Variants in MCF2L observed in about 807,000 individuals in gnomAD.
MCF2L encodes the protein MCF.2 cell line derived transforming sequence like, also known as guanine nucleotide exchange factor DBS.
In MCF2L, 97 loss-of-function variants were observed where a neutral mutation model predicts 153.4. The ratio of observed to expected loss-of-function variants is 0.63; its 90% confidence interval spans 0.54 to 0.75. MCF2L has a LOEUF of 0.75. MCF2L is among the 30% of genes least tolerant of loss of function. MCF2L has a pLI of 0.00. For missense variants in MCF2L, 1,347 were observed against 1,495.2 expected, an observed-to-expected ratio of 0.90 and a Z score of 1.64; for synonymous variants, 659 against 632.2, an observed-to-expected ratio of 1.04 and a Z score of -0.64.
chr13:112,904,967 G>A lies in MCF2L; in HGVS notation c.169+2596G>A, dbSNP rs1221487952. Among the ~76,000 whole-genome samples, 3 of 152,218 alleles carry A rather than the reference G, an allele frequency of 2.0e-5. No individual in the cohort carries two copies. Among genetic ancestry groups the A allele is most frequent in the African/African-American group, 2.4e-5 (1 of 41,448 alleles). On this transcript the variant is annotated intron_variant, in intron 2 of 29. Transcript: ENST00000375608. This position sits in a 1 kb window ranked among gnomAD's most constrained non-coding sequence, Gnocchi z 4.2. ...TGTACCATTTTAACTACTGTCAAGT[G>A]TAGAGTTCCCTGGTATGAAATATAC...
chr13:113,062,074 G>A (rs2031598900), intron 5 of MCF2L, among the ~76,000 whole-genome samples: 1 of 150,632 alleles, frequency 6.6e-6, no homozygotes, highest in Non-Finnish European at 1.5e-5. Flanking sequence ...TGCTTTGGTG[G>A]CCCCAGAACC....
Position 113,074,449 on chromosome 13 carries a change from A to C in MCF2L, c.1002A>C (p.Lys334Asn). The change falls in exon 10 of 30, where the codon AAA becomes AAC. Residue 334 changes from lysine (K) to asparagine (N), a missense_variant. By Grantham distance (94) the Lys-to-Asn change is moderately conservative. Coordinates refer to ENST00000535094, the MANE Select transcript of MCF2L (RefSeq NM_001112732.3). This position sits in a 1 kb window ranked among gnomAD's most constrained non-coding sequence, Gnocchi z 4.2. Reference sequence around the variant, plus strand: ...TGGGCCCTCCTCTGTTCCAGGTCAAAGCCATCTTGGACGCAGCGTCCCAGA... The same window carrying C: ...TGGGCCCTCCTCTGTTCCAGGTCAACGCCATCTTGGACGCAGCGTCCCAGA... The part of the protein sequence containing the change: ...RHFEQGFREV[K>N]AILDAASQKI... The C allele has an allele frequency of 6.2e-7, 1 of 1,613,390 alleles. No homozygotes were observed. The highest frequency in any genetic ancestry group is 8.5e-7 in the Non-Finnish European group (1 of 1,179,456).
chr13:113,090,783 T>G (rs1407641765), intron 26 of MCF2L: 8 of 985,348 alleles, frequency 8.1e-6, no homozygotes, highest in Non-Finnish European at 9.6e-6. Flanking sequence ...AAAATGCTTT[T>G]AAGTTGGCCT....
At chr13:113,022,306 T>C (rs1000594144) in intron 2 of MCF2L, among the ~76,000 whole-genome samples, 1 of 151,692 alleles carries the variant, frequency 6.6e-6, no homozygotes, top group Admixed American at 6.6e-5. Context: ...CATGAGGGGA[T>C]CTTGTTGCAT....
intron 8 of MCF2L, 106 bp from the exon 9 acceptor site, chr13:113,069,953 G>C (rs553510227): frequency 1.6e-5 from 11 of 686,030 alleles, no homozygotes; most frequent in Middle Eastern, 2.7e-4. Flanking sequence ...ATCTCAGGAA[G>C]GCCCGGGGTG....
chr13:113,091,330 G>A (rs747155339), intron 26 of MCF2L: 48 of 684,636 alleles, frequency 7.0e-5, no homozygotes, highest in Non-Finnish European at 8.9e-5. Context: ...GCAGACACGC[G>A]GTTGTGTTCA....
At position 113,025,046 on chromosome 13, in the gene MCF2L, G is replaced by A. The variant is rs1475003125; in HGVS notation, c.278+288G>A. 27 of 202,908 alleles carry A rather than the reference G, an allele frequency of 1.3e-4. 3 individuals are homozygous for A. The highest frequency in any genetic ancestry group is 8.7e-4 in the African/African-American group (26 of 30,024). 12.6% of individuals were successfully genotyped at this position (202,908 alleles called of 1,614,324 possible). ...CTCTGTGAGGTTTCATCATGGTGGG[G>A]TCCCCGTGACTGTGGGTCGGGGCAG... On this transcript the variant is annotated intron_variant, in intron 3 of 29. Transcript: ENST00000535094.
rs139539976 is a variant in MCF2L at position 112,903,586 on chromosome 13, G to A, written c.169+1215G>A. ...TGTGTAGACTCTTGCACTTGGAAAC[G>A]CAGGCTGTTGGTTTAGAGCTGGCTG... On this transcript the variant is annotated intron_variant, in intron 2 of 29. Coordinates refer to the MCF2L transcript ENST00000375608. 1.7e-4 allele frequency among the ~76,000 whole-genome samples: 26 copies of A among 152,208 alleles called. No individual in the cohort carries two copies. In the East Asian group the frequency reaches 4.1e-3, roughly 24 times the overall value.
At chr13:112,912,195 G>A (rs904958138) in intron 2 of MCF2L, among the ~76,000 whole-genome samples, 5 of 152,176 alleles carry the variant, frequency 3.3e-5, no homozygotes, top group Admixed American at 2.0e-4. Context: ...GCTCCAGGAG[G>A]ACACCTTTCT....
Position 113,088,354 on chromosome 13 carries a change from TG to T in MCF2L, c.2719del (p.Val907Ter). On this transcript the variant is annotated frameshift_variant, in exon 24 of 30. Transcript: ENST00000535094. LOFTEE classifies it high-confidence loss of function. Reference sequence around the variant, plus strand: ...GCCAACTCCTGAGATTAAAGCCGCGTGGGTGAATGAAATTCGGAAAGTGCTG... The same window carrying T: ...GCCAACTCCTGAGATTAAAGCCGCGTGGTGAATGAAATTCGGAAAGTGCTG... ...QAPTPEIKAA[W>X]VNEIRKVLTS... 3.7e-6 allele frequency: 6 copies of T among 1,613,252 alleles called. No homozygotes were observed. The highest frequency in any genetic ancestry group is 5.1e-6 in the Non-Finnish European group (6 of 1,179,618).
chr13:112,969,317 C>T lies in MCF2L; in HGVS notation c.-63C>T. 4.5e-6 allele frequency: 7 copies of T among 1,544,584 alleles called. No homozygotes were observed. Among genetic ancestry groups the T allele is most frequent in the Non-Finnish European group, 6.1e-6 (7 of 1,143,198 alleles). On this transcript the variant is annotated 5_prime_UTR_variant, in exon 1 of 30. Transcript: ENST00000535094. This position sits in a 1 kb window ranked among gnomAD's most constrained non-coding sequence, Gnocchi z 4.8. ...CCCCCTCCGCACTCGCACGGCCCCA[C>T]CCGCAGGCGCCCCCCGTGCGGAGGA...
chr13:113,037,397 C>T (rs183491331), intron 3 of MCF2L, among the ~76,000 whole-genome samples: 1 of 152,276 alleles, frequency 6.6e-6, no homozygotes, highest in East Asian at 1.9e-4. Flanking sequence ...TTGTAGGGAC[C>T]TTGGAGAGTT....
intron 2 of MCF2L, among the ~76,000 whole-genome samples, chr13:113,017,768 G>T (rs2084626316): frequency 6.6e-6 from 1 of 152,204 alleles, no homozygotes; most frequent in South Asian, 2.1e-4. Flanking sequence ...GTCCAGCTGG[G>T]TGAGGCCCCT....
intron 1 of MCF2L, among the ~76,000 whole-genome samples, chr13:112,984,242 T>C (rs2140925634): frequency 6.8e-6 from 1 of 147,578 alleles, no homozygotes; most frequent in Admixed American, 6.7e-5. Flanking sequence ...AAATTCTCCT[T>C]TTTTTTTTTT....
chr13:112,916,487 TCG>T (rs1194756018), intron 2 of MCF2L, among the ~76,000 whole-genome samples: 1 of 152,168 alleles, frequency 6.6e-6, no homozygotes, highest in Non-Finnish European at 1.5e-5. Flanking sequence ...GTCCGCGCTC[TCG>T]CGTGCCTCAC....
At chr13:113,017,447 A>T (rs564517180) in intron 2 of MCF2L, among the ~76,000 whole-genome samples, 15 of 152,178 alleles carry the variant, frequency 9.9e-5, no homozygotes, top group Non-Finnish European at 1.8e-4. Context: ...CCGTCACGAG[A>T]TTTAGGGCCC....
intron 2 of MCF2L, among the ~76,000 whole-genome samples, chr13:112,933,682 T>C (rs1340399446): frequency 6.6e-6 from 1 of 152,272 alleles, no homozygotes. Flanking sequence ...TTCATCCTCA[T>C]GACAACCCTG....
chr13:113,074,295 G>C lies in MCF2L; in HGVS notation c.997-149G>C. On this transcript the variant is annotated intron_variant, in intron 9 of 29. Coordinates refer to ENST00000535094, the MANE Select transcript of MCF2L (RefSeq NM_001112732.3). The surrounding 1 kb of genome is among the most constrained non-coding windows in gnomAD (Gnocchi z 4.2). ...TTGGTGACCACTCGGGGCCGACTTTGCACCTGTCTGACTGTGGTCCCTGCT... is the reference window on the plus strand; with the variant it reads ...TTGGTGACCACTCGGGGCCGACTTTCCACCTGTCTGACTGTGGTCCCTGCT... 2.0e-6 allele frequency: 2 copies of C among 983,074 alleles called. No homozygotes were observed. The highest frequency in any genetic ancestry group is 3.1e-6 in the Non-Finnish European group (2 of 655,174). The allele number at this position is 983,074 out of a possible 1,614,324, so 60.9% of individuals were successfully genotyped here. A position where few individuals can be genotyped will look rare whatever the true frequency, so the allele number is the denominator to read the frequency against.
At chr13:112,949,617 T>C (rs1397854003) in intron 2 of MCF2L, among the ~76,000 whole-genome samples, 4 of 152,040 alleles carry the variant, frequency 2.6e-5, no homozygotes, top group Non-Finnish European at 4.4e-5. Flanking sequence ...AATAGACTAA[T>C]GGAGAAAAAT....
Sources: gnomAD v4.1 joint callset for allele counts (sites outside exome capture counted in the v4.1 genomes callset) on GRCh38, gnomAD v4.1.1 for gene constraint, Gnocchi (gnomAD v3.1) non-coding constraint, MANE v1.5 for transcripts, NCBI Gene and HGNC (gene_info 2026-07-23, HGNC 2026-07-21) for gene names.